CCDC88A: variants seen among roughly 807,000 people sequenced by gnomAD.
CCDC88A encodes girdin.
In CCDC88A, 54 loss-of-function variants were observed where a neutral mutation model predicts 234.3. That is an observed-to-expected ratio of 0.23 (90% CI 0.19 to 0.29). CCDC88A has a LOEUF of 0.29. Among genes scored for constraint, CCDC88A ranks in the 10% least tolerant of loss-of-function variants. CCDC88A has a pLI of 1.00. For synonymous variants in CCDC88A, 753 were observed against 737.8 expected (o/e 1.02, Z -0.33); for missense variants, 1,832 against 2,123.4 (o/e 0.86, Z 2.70).
intron 2 of CCDC88A, among the ~76,000 whole-genome samples, chr2:55,416,508 A>G (rs1681502970): frequency 7.6e-6 from 1 of 131,696 alleles, no homozygotes; most frequent in South Asian, 2.5e-4. Flanking sequence ...TCTTCTAGGA[A>G]TAATGACTGA....
At position 55,316,126 on chromosome 2, in the gene CCDC88A, A is replaced by T; in HGVS notation, c.3747-12T>A. ...AGGTATGATTCAGCCTATAATTAGA[A>T]ATCATAGAAATATAATTAGATTATC... On this transcript the variant is annotated splice_polypyrimidine_tract_variant and intron_variant, in intron 21 of 32. Coordinates refer to ENST00000436346, the MANE Select transcript of CCDC88A (RefSeq NM_001365480.1). 1 of 1,146,904 alleles carries T rather than the reference A, an allele frequency of 8.7e-7. No homozygotes were observed. The highest frequency in any genetic ancestry group is 1.2e-6 in the Non-Finnish European group (1 of 818,236). 71.0% of individuals were successfully genotyped at this position (1,146,904 alleles called of 1,614,324 possible).
At chr2:55,407,893 T>A (rs1049905674) in intron 2 of CCDC88A, among the ~76,000 whole-genome samples, 1 of 151,548 alleles carries the variant, frequency 6.6e-6, no homozygotes, top group African/African-American at 2.4e-5. Context: ...AACTTTTGTA[T>A]TTTTAGTAGA....
intron 15 of CCDC88A, among the ~76,000 whole-genome samples, chr2:55,333,579 G>A (rs1342356267): frequency 4.6e-5 from 7 of 151,976 alleles, no homozygotes; most frequent in Non-Finnish European, 1.5e-5. Flanking sequence ...TTTATTTAAT[G>A]TTTCTGAACC....
At chr2:55,336,989 G>T in intron 13 of CCDC88A, 171 bp from the exon 14 acceptor site, 2 of 476,232 alleles carry the variant, frequency 4.2e-6, no homozygotes, top group East Asian at 3.8e-5. Flanking sequence ...AATTTCTGTA[G>T]CTGTATAAAA....
intron 25 of CCDC88A, among the ~76,000 whole-genome samples, chr2:55,307,318 TATATC>T (rs1189494574): frequency 1.3e-5 from 2 of 152,156 alleles, no homozygotes; most frequent in African/African-American, 4.8e-5. Context: ...TAATAAAAAT[TATATC>T]ATAAGTTTAT....
intron 27 of CCDC88A, 110 bp from the exon 28 acceptor site, chr2:55,301,387 A>AT (rs1680881138): frequency 3.5e-6 from 2 of 575,948 alleles, no homozygotes; most frequent in South Asian, 4.9e-5. Flanking sequence ...TATAATACAG[A>AT]TTGACTTAAC....
At chr2:55,360,079 T>G (rs1273850931) in intron 7 of CCDC88A, among the ~76,000 whole-genome samples, 1 of 152,132 alleles carries the variant, frequency 6.6e-6, no homozygotes, top group East Asian at 1.9e-4. Flanking sequence ...TAAAACAGTA[T>G]GTGTTAAACT....
intron 5 of CCDC88A, among the ~76,000 whole-genome samples, chr2:55,366,564 C>A (rs1163741327): frequency 6.6e-6 from 1 of 151,060 alleles, no homozygotes; most frequent in Non-Finnish European, 1.5e-5. Context: ...CACACACACA[C>A]ACACACACAC....
intron 18 of CCDC88A, among the ~76,000 whole-genome samples, chr2:55,321,591 GA>G (rs1240499295): frequency 5.9e-5 from 9 of 151,932 alleles, no homozygotes; most frequent in Admixed American, 1.3e-4. Flanking sequence ...AGAAATGTGA[GA>G]TTTATTTAAG....
At chr2:55,374,666 T>A (rs1673349965) in intron 4 of CCDC88A, 148 bp downstream of exon 4, 2 of 477,256 alleles carry the variant, frequency 4.2e-6, no homozygotes, top group African/African-American at 1.9e-5. Context: ...TAAGCTTGTC[T>A]CTTTCTATAA....
At chr2:55,404,517 A>C (rs925886183) in intron 2 of CCDC88A, 2 of 152,218 alleles carry the variant, frequency 1.3e-5, no homozygotes, top group Admixed American at 1.3e-4. Flanking sequence ...AAAAGCACTA[A>C]GACAAACAAA....
chr2:55,343,594 T>C (rs181258037), intron 12 of CCDC88A, 54 bp downstream of exon 12: 2 of 1,413,704 alleles, frequency 1.4e-6, no homozygotes, highest in African/African-American at 2.9e-5. Flanking sequence ...CAAGTAAACA[T>C]AAATACAACT....
intron 30 of CCDC88A, 73 bp downstream of exon 30, chr2:55,296,185 G>T (rs1172343324): frequency 2.1e-6 from 2 of 970,602 alleles, no homozygotes; most frequent in Admixed American, 3.0e-5. Context: ...AAAAAAAAAA[G>T]CTCTGAAGTT....
At chr2:55,297,349 ATATATAAATATATATAATATATATTAT>A in intron 29 of CCDC88A, among the ~76,000 whole-genome samples, 1 of 104,446 alleles carries the variant, frequency 9.6e-6, no homozygotes, top group Admixed American at 1.4e-4. Context: ...TTTATATATT[ATATATAAATATATATAATATATATTAT>A]ATATAAATAT....
chr2:55,363,934 GTA>G lies in CCDC88A; in HGVS notation c.486+14_486+15del. The G allele has an allele frequency of 6.9e-7, 1 of 1,447,174 alleles. No homozygotes were observed. Among genetic ancestry groups the G allele is most frequent in the Non-Finnish European group, 9.6e-7 (1 of 1,037,704 alleles). The allele number at this position is 1,447,174 out of a possible 1,614,324, so 89.6% of individuals were successfully genotyped here. On this transcript the variant is annotated intron_variant, in intron 6 of 32. Coordinates refer to ENST00000436346, the MANE Select transcript of CCDC88A (RefSeq NM_001365480.1). ...AGCTTCATAAATAGCACGTAAAATT[GTA>G]TATATGTCATTACCTCTTGAATATG...
intron 26 of CCDC88A, 166 bp downstream of exon 26, chr2:55,302,903 T>G (rs1444343081): frequency 2.0e-5 from 11 of 556,364 alleles, no homozygotes; most frequent in Middle Eastern, 3.5e-4. Flanking sequence ...ATAATGCAAA[T>G]TCAGTGCCAC....
rs5831349 is a variant in CCDC88A, at chr2:55,296,173, C to CAAA, written c.5091+82_5091+84dup. ...TACCTCTTAATACTCCTTAACTTAC[C>CAAA]AAAAAAAAAAAGCTCTGAAGTTCAA... On this transcript the variant is annotated intron_variant, in intron 30 of 32. Transcript: ENST00000436346. 5 of 1,390,686 alleles carry CAAA rather than the reference C, an allele frequency of 3.6e-6. No homozygotes were observed. In the African/African-American group the frequency reaches 6.0e-5, roughly 17 times the overall value. 86.1% of individuals were successfully genotyped at this position (1,390,686 alleles called of 1,614,324 possible). A position where few individuals can be genotyped will look rare whatever the true frequency, so the allele number is the denominator to read the frequency against.
intron 2 of CCDC88A, among the ~76,000 whole-genome samples, chr2:55,391,748 GA>G (rs1676693843): frequency 6.6e-6 from 1 of 152,092 alleles, no homozygotes; most frequent in African/African-American, 2.4e-5. Flanking sequence ...AGAAAAAGCT[GA>G]AATGAATGAA....
rs1298317555 is a variant in CCDC88A, at chr2:55,290,467, C to T, written c.*733G>A. 6.6e-6 allele frequency: 1 copy of T among 152,006 alleles called. No individual in the cohort carries two copies. Among genetic ancestry groups the T allele is most frequent in the Non-Finnish European group, 1.5e-5 (1 of 67,906 alleles). The allele number at this position is 152,006 out of a possible 1,614,324, so 9.4% of individuals were successfully genotyped here. On this transcript the variant is annotated 3_prime_UTR_variant, in exon 33 of 33. Transcript: ENST00000436346. ...ACTAAAAAAAAGTTTCAGAAAAACA[C>T]TCTTTACCATGGGTTAACTTATGAA... is the stretch of plus-strand genomic sequence containing the variant.
Sources: allele counts gnomAD v4.1 joint callset (sites outside exome capture counted in the v4.1 genomes callset), GRCh38; gene constraint gnomAD v4.1.1; transcripts MANE v1.5; gene names NCBI Gene and HGNC (gene_info 2026-07-23, HGNC 2026-07-21).